The following TP63 variants were observed in gnomAD, a reference collection of about 807,000 sequenced individuals.
TP63 encodes the protein tumor protein 63.
A neutral mutation model predicts 82.8 loss-of-function variants in TP63; 17 were observed. The observed-to-expected ratio is 0.21, with a 90% CI of 0.14 to 0.31. The LOEUF is 0.31. Among genes scored for constraint, TP63 ranks in the 10% least tolerant of loss-of-function variants. TP63 has a pLI of 1.00. For synonymous variants in TP63, 330 were observed against 321.7 expected, an observed-to-expected ratio of 1.03 and a Z score of -0.28; for missense variants, 648 against 895.3, an observed-to-expected ratio of 0.72 and a Z score of 3.52.
intron 4 of TP63, among the ~76,000 whole-genome samples, chr3:189,839,613 G>A (rs1375645129): frequency 6.6e-6 from 1 of 152,156 alleles, no homozygotes; most frequent in Non-Finnish European, 1.5e-5. Context: ...ATCTCCAGAA[G>A]TTTGTTTAGG....
At chr3:189,730,165 T>G (rs1028760202) in intron 1 of TP63, among the ~76,000 whole-genome samples, 1 of 152,224 alleles carries the variant, frequency 6.6e-6, no homozygotes, top group Non-Finnish European at 1.5e-5. Flanking sequence ...GAATCACTTT[T>G]ATCTAAGGGT....
chr3:189,706,087 A>G (rs62290038), intron 1 of TP63, among the ~76,000 whole-genome samples: 16,489 of 152,162 alleles, frequency 0.11, 1,051 homozygotes, highest in African/African-American at 0.16. Context: ...GAAAATCTTT[A>G]TATCACATCG....
At chr3:189,744,796 T>C (rs1721246854) in intron 3 of TP63, among the ~76,000 whole-genome samples, 1 of 152,160 alleles carries the variant, frequency 6.6e-6, no homozygotes, top group Non-Finnish European at 1.5e-5. Context: ...GCAAGCCACC[T>C]GGGACTTCCA....
chr3:189,616,804 G>A, the TP63 span, among the ~76,000 whole-genome samples: 1 of 152,156 alleles, frequency 6.6e-6, no homozygotes, highest in East Asian at 1.9e-4. Context: ...ACCAAAAAAT[G>A]TATTATTTTC....
intron 10 of TP63, among the ~76,000 whole-genome samples, chr3:189,882,689 G>A (rs1029522294): frequency 6.6e-6 from 1 of 152,168 alleles, no homozygotes; most frequent in Non-Finnish European, 1.5e-5. Flanking sequence ...GAGGTAGATA[G>A]TGTAACTTGT....
At chr3:189,789,067 G>A (rs1201367493) in intron 3 of TP63, among the ~76,000 whole-genome samples, 2 of 151,824 alleles carry the variant, frequency 1.3e-5, no homozygotes, top group African/African-American at 4.8e-5. Flanking sequence ...AAACATGCTC[G>A]AAAAAATCAG....
chr3:189,720,729 C>T (rs925698344), intron 1 of TP63, among the ~76,000 whole-genome samples: 2 of 95,486 alleles, frequency 2.1e-5, no homozygotes, highest in Admixed American at 1.5e-4. Context: ...AGTGAAACTC[C>T]GTCTCAGAAA....
At chr3:189,601,609 A>T in the TP63 span, among the ~76,000 whole-genome samples, 1 of 152,166 alleles carries the variant, frequency 6.6e-6, no homozygotes, top group African/African-American at 2.4e-5. Flanking sequence ...TTGAAGTGAT[A>T]CTTGTTTGGT....
chr3:189,653,624 G>T (rs1403277864), intron 1 of TP63, among the ~76,000 whole-genome samples: 2 of 152,232 alleles, frequency 1.3e-5, no homozygotes, highest in Non-Finnish European at 2.9e-5. Flanking sequence ...TTTAGTACCT[G>T]CTTTTGCTTT....
intron 4 of TP63, among the ~76,000 whole-genome samples, chr3:189,816,735 T>C (rs1405563419): frequency 1.3e-5 from 2 of 152,170 alleles, no homozygotes; most frequent in Admixed American, 6.5e-5. Flanking sequence ...ATTTTGTAGA[T>C]ATGGAATGGT....
intron 1 of TP63, among the ~76,000 whole-genome samples, chr3:189,713,893 A>G (rs1001639746): frequency 2.0e-5 from 3 of 152,192 alleles, no homozygotes; most frequent in African/African-American, 7.2e-5. Flanking sequence ...AGGCTTTACA[A>G]ATCACTAATT....
chr3:189,863,571 A>C (rs1047513361), intron 4 of TP63, among the ~76,000 whole-genome samples: 1 of 152,174 alleles, frequency 6.6e-6, no homozygotes, highest in Non-Finnish European at 1.5e-5. Context: ...GCTGTGCTAC[A>C]TCAGGCCCGG....
intron 10 of TP63, among the ~76,000 whole-genome samples, chr3:189,875,609 T>TATATATATATATATATATATATACACAC (rs1719012636): frequency 3.2e-5 from 2 of 62,986 alleles, no homozygotes; most frequent in Non-Finnish European, 7.1e-5. Context: ...TATATATATA[T>TATATATATATATATATATATATACACAC]ATATATATAT....
At chr3:189,598,516 A>G in the TP63 span, among the ~76,000 whole-genome samples, 4 of 152,248 alleles carry the variant, frequency 2.6e-5, no homozygotes, top group Non-Finnish European at 5.9e-5. Flanking sequence ...AGTCAAAGAA[A>G]AATATTTAAT....
chr3:189,745,295 T>C (rs141708875), intron 3 of TP63, among the ~76,000 whole-genome samples: 23 of 152,290 alleles, frequency 1.5e-4, no homozygotes, highest in African/African-American at 5.3e-4. Context: ...AATTCTTAAA[T>C]TCAAAATATT....
At chr3:189,689,098 C>CTTTT (rs1383931117) in intron 1 of TP63, among the ~76,000 whole-genome samples, 10,136 of 85,068 alleles carry the variant, frequency 0.12, 3,451 homozygotes, top group Non-Finnish European at 0.16. Flanking sequence ...TCAAATCTAC[C>CTTTT]TTTTTCTTTT....
intron 4 of TP63, among the ~76,000 whole-genome samples, chr3:189,846,791 A>T (rs113642226): frequency 2.7e-5 from 4 of 147,244 alleles, no homozygotes; most frequent in African/African-American, 1.0e-4. Flanking sequence ...GGTTCAAGCA[A>T]TTCTCCTGCC....
intron 4 of TP63, among the ~76,000 whole-genome samples, chr3:189,839,259 T>G (rs901449293): frequency 6.6e-6 from 1 of 152,170 alleles, no homozygotes; most frequent in Admixed American, 6.5e-5. Context: ...TTGTCGGCAC[T>G]CTTTCATGAA....
At position 189,843,519 on chromosome 3, in the gene TP63, A is replaced by C. The variant is rs565519534; in HGVS notation, c.580-20713A>C. On this transcript the variant is annotated intron_variant, in intron 4 of 13. Coordinates refer to ENST00000264731, the MANE Select transcript of TP63 (RefSeq NM_003722.5). Reference sequence around the variant, plus strand: ...AAATGATCAAGAGCACAATTCGTACATGTCTGGCAGCTAGACGGCTGTGGC... The same window carrying C: ...AAATGATCAAGAGCACAATTCGTACCTGTCTGGCAGCTAGACGGCTGTGGC... Among the ~76,000 whole-genome samples, 4 of 152,314 alleles carry C rather than the reference A, an allele frequency of 2.6e-5. No homozygotes were observed. In the South Asian group the frequency reaches 8.3e-4, roughly 32 times the overall value.
Sources: gnomAD v4.1 joint callset for allele counts (sites outside exome capture counted in the v4.1 genomes callset) on GRCh38, gnomAD v4.1.1 for gene constraint, MANE v1.5 for transcripts, NCBI Gene and HGNC (gene_info 2026-07-23, HGNC 2026-07-21) for gene names.